Variants in FGGY observed in about 807,000 individuals in gnomAD.
The protein encoded by FGGY is FGGY carbohydrate kinase domain-containing protein.
FGGY carries 72 observed loss-of-function variants against 71.3 expected under a neutral mutation model. That is an observed-to-expected ratio of 1.01 (90% CI 0.84 to 1.23). The LOEUF is 1.23. FGGY is among the 50% of genes most tolerant of loss of function. FGGY has a pLI of 0.00. For synonymous variants in FGGY, 251 were observed against 250.3 expected (o/e 1.00, Z -0.02); for missense variants, 668 against 682.3 (o/e 0.98, Z 0.23).
chr1:59,687,135 C>T (rs1381473004), intron 14 of FGGY, among the ~76,000 whole-genome samples: 5 of 152,196 alleles, frequency 3.3e-5, no homozygotes, highest in African/African-American at 1.2e-4. Context: ...TTGCACCTGG[C>T]CTCTGAGCAG....
intron 14 of FGGY, among the ~76,000 whole-genome samples, chr1:59,699,545 A>T (rs1365228151): frequency 6.6e-6 from 1 of 152,154 alleles, no homozygotes; most frequent in African/African-American, 2.4e-5. Context: ...ATGGAGAAAG[A>T]AGGCAAATGG....
Position 59,730,907 on chromosome 1 carries a change from C to T in FGGY, c.1513-27024C>T, listed in dbSNP as rs578133227. The stretch of plus-strand genomic sequence containing the variant: ...ACAACATGCAAAGTGATTTACTTAA[C>T]CCACCTCATGAACGTTTAGTAGCCC... On this transcript the variant is annotated intron_variant, in intron 14 of 15. Coordinates refer to ENST00000303721, the MANE Select transcript of FGGY (RefSeq NM_018291.5). Among the ~76,000 whole-genome samples the T allele has an allele frequency of 2.6e-5, 4 of 152,324 alleles. No homozygotes were observed. In the South Asian group the frequency reaches 8.3e-4, roughly 32 times the overall value.
rs529561969 is a variant in FGGY at position 59,674,089 on chromosome 1, G to A, written c.1468G>A (p.Ala490Thr). ...QEVESVLVGA[A>T]VLGACASGDF... is the part of the protein sequence containing the mutation. ...GGTGGAGTCCGTTCTTGTGGGTGCT[G>A]CTGTTCTGGGTGCCTGTGCCTCAGG... The change falls in exon 14 of 16, where the codon GCT (alanine) becomes ACT (threonine). Residue 490 changes from alanine (A) to threonine (T), a missense_variant. Ala to Thr is a moderately conservative substitution (Grantham distance 58, BLOSUM62 0). This residue lies in a region of FGGY where 661 missense variants were observed against 661.6 expected (regional missense o/e 1.00). Transcript: ENST00000303721. The A allele has an allele frequency of 9.3e-5, 150 of 1,613,994 alleles. 2 individuals carry two copies. The South Asian group carries it at 1.2e-3, about 13-fold the overall frequency.
At chr1:59,629,122 G>A (rs768248592) in intron 10 of FGGY, among the ~76,000 whole-genome samples, 2 of 151,970 alleles carry the variant, frequency 1.3e-5, no homozygotes, top group African/African-American at 2.4e-5. Flanking sequence ...TGTAAATGAC[G>A]AGTTAACGGG....
intron 8 of FGGY, among the ~76,000 whole-genome samples, chr1:59,554,509 G>C (rs2095655088): frequency 6.6e-6 from 1 of 152,134 alleles, no homozygotes; most frequent in Non-Finnish European, 1.5e-5. Context: ...GGTGACATCT[G>C]ATCCTAAGGT....
At chr1:59,686,134 A>G (rs1402655433) in intron 14 of FGGY, among the ~76,000 whole-genome samples, 2 of 152,228 alleles carry the variant, frequency 1.3e-5, no homozygotes, top group Non-Finnish European at 2.9e-5. Context: ...GGCTGGGTTT[A>G]TAGCTTTTTG....
At chr1:59,508,535 A>T (rs2094447388) in intron 6 of FGGY, among the ~76,000 whole-genome samples, 2 of 152,176 alleles carry the variant, frequency 1.3e-5, no homozygotes, top group South Asian at 4.1e-4. Context: ...GGAGGCACTA[A>T]TGTTTGCCTC....
intron 7 of FGGY, among the ~76,000 whole-genome samples, chr1:59,533,241 G>T (rs1444942367): frequency 6.9e-6 from 1 of 145,310 alleles, no homozygotes; most frequent in African/African-American, 2.7e-5. Context: ...AAAGAAAGGG[G>T]TGACAGCACC....
rs542667801 is a variant in FGGY, at chr1:59,362,318, G to A, written c.465+15920G>A. On this transcript the variant is annotated intron_variant, in intron 4 of 15. Transcript: ENST00000303721. ...CCCTCTGTGTCAGAAATGTATACAGGAACACATCCTCCTGCCTCCTATTTC... is the reference window on the plus strand; with the variant it reads ...CCCTCTGTGTCAGAAATGTATACAGAAACACATCCTCCTGCCTCCTATTTC... Among the ~76,000 whole-genome samples the A allele has an allele frequency of 5.8e-4, 88 of 151,924 alleles. 1 individual carries two copies. Among genetic ancestry groups the A allele is most frequent in the Admixed American group, 5.7e-3 (87 of 15,256 alleles).
intron 7 of FGGY, among the ~76,000 whole-genome samples, chr1:59,542,904 C>T (rs2095467014): frequency 6.6e-6 from 1 of 152,140 alleles, no homozygotes; most frequent in African/African-American, 2.4e-5. Flanking sequence ...CACTCATTCC[C>T]TAAGGCACCT....
intron 2 of FGGY, among the ~76,000 whole-genome samples, chr1:59,327,854 G>T (rs371532328): frequency 4.8e-4 from 73 of 152,226 alleles, no homozygotes; most frequent in African/African-American, 1.6e-3. Context: ...TTGGTGACTC[G>T]GTGCATTGTC....
intron 5 of FGGY, among the ~76,000 whole-genome samples, chr1:59,453,670 C>G (rs1398438088): frequency 6.6e-6 from 1 of 152,054 alleles, no homozygotes; most frequent in Non-Finnish European, 1.5e-5. Context: ...AGTGGACTAG[C>G]CTAGAATGAT....
intron 8 of FGGY, among the ~76,000 whole-genome samples, chr1:59,579,153 A>G (rs1174488074): frequency 6.6e-6 from 1 of 152,066 alleles, no homozygotes; most frequent in East Asian, 1.9e-4. Context: ...TGTTGGCAGC[A>G]TTGGGCACAG....
chr1:59,647,167 A>C (rs1046234070), intron 11 of FGGY, among the ~76,000 whole-genome samples: 6 of 152,234 alleles, frequency 3.9e-5, no homozygotes, highest in Non-Finnish European at 5.9e-5. Context: ...CAGAGGACCA[A>C]GGATAGAGTC....
At chr1:59,678,956 C>T (rs1419556640) in intron 14 of FGGY, among the ~76,000 whole-genome samples, 3 of 152,190 alleles carry the variant, frequency 2.0e-5, no homozygotes, top group Non-Finnish European at 4.4e-5. Context: ...CCCTGTAAAC[C>T]ACTGACTCCA....
At chr1:59,556,061 C>T (rs1243753731) in intron 8 of FGGY, among the ~76,000 whole-genome samples, 1 of 152,208 alleles carries the variant, frequency 6.6e-6, no homozygotes, top group African/African-American at 2.4e-5. Flanking sequence ...TTGTAAGGCT[C>T]AGCTGTCCCT....
intron 5 of FGGY, among the ~76,000 whole-genome samples, chr1:59,418,193 T>C (rs2064803853): frequency 6.6e-6 from 1 of 151,502 alleles, no homozygotes; most frequent in Admixed American, 6.6e-5. Context: ...GGGGCAGGGG[T>C]TGAGTGGGAG....
chr1:59,521,075 A>G (rs779769788), intron 7 of FGGY, among the ~76,000 whole-genome samples: 1 of 151,982 alleles, frequency 6.6e-6, no homozygotes, highest in Non-Finnish European at 1.5e-5. Context: ...CATGCCGTGG[A>G]ATCTGGAAGG....
chr1:59,614,958 C>T (rs187565784), intron 9 of FGGY, among the ~76,000 whole-genome samples: 20 of 152,272 alleles, frequency 1.3e-4, no homozygotes, highest in Non-Finnish European at 2.4e-4. Context: ...TGAATGACCT[C>T]TTCAAGGAGA....
Sources: gnomAD v4.1 joint callset for allele counts (sites outside exome capture counted in the v4.1 genomes callset) on GRCh38, gnomAD v4.1.1 for gene constraint, gnomAD v4.1.1 regional missense constraint, MANE v1.5 for transcripts, NCBI Gene and HGNC (gene_info 2026-07-23, HGNC 2026-07-21) for gene names.